NRG3: variants seen among roughly 807,000 people sequenced by gnomAD.
NRG3 encodes neuregulin 3, also known as pro-neuregulin-3, membrane-bound isoform.
In NRG3, 31 loss-of-function variants were observed where a neutral mutation model predicts 66.9. The observed-to-expected ratio is 0.46, with a 90% CI of 0.35 to 0.63. The LOEUF (loss-of-function observed/expected upper bound fraction) is 0.63, where lower values mean the gene tolerates loss of function less well. NRG3 is among the 20% of genes least tolerant of loss of function. NRG3 has a pLI of 0.00. For synonymous variants in NRG3, 393 were observed against 359.4 expected (o/e 1.09, Z -1.06); for missense variants, 910 against 878.9 (o/e 1.04, Z -0.45).
At chr10:82,860,541 C>T (rs1322388357) in intron 3 of NRG3, among the ~76,000 whole-genome samples, 3 of 152,134 alleles carry the variant, frequency 2.0e-5, no homozygotes, top group Non-Finnish European at 4.4e-5. Flanking sequence ...TCCGTGCTTC[C>T]GTTTCTTACC....
At chr10:82,254,541 T>G (rs1245400332) in intron 1 of NRG3, among the ~76,000 whole-genome samples, 2 of 152,182 alleles carry the variant, frequency 1.3e-5, no homozygotes, top group Non-Finnish European at 2.9e-5. Context: ...CAACTTGGTT[T>G]CCTTGGAGAG....
chr10:82,760,351 A>G (rs1477674248), intron 3 of NRG3, among the ~76,000 whole-genome samples: 2 of 152,212 alleles, frequency 1.3e-5, no homozygotes, highest in Admixed American at 6.6e-5. Context: ...AAAGCATATA[A>G]GAAAATCTTC....
intron 3 of NRG3, among the ~76,000 whole-genome samples, chr10:82,838,888 G>A (rs2062912799): frequency 6.6e-6 from 1 of 152,094 alleles, no homozygotes; most frequent in East Asian, 1.9e-4. Flanking sequence ...CACATGGCTG[G>A]GGAGGCCTCA....
At position 82,887,722 on chromosome 10, in the gene NRG3, A is replaced by G. The variant is rs139247487; in HGVS notation, c.1054+22285A>G. On this transcript the variant is annotated intron_variant, in intron 4 of 8. Coordinates refer to ENST00000372141, the MANE Select transcript of NRG3 (RefSeq NM_001010848.4). The stretch of plus-strand genomic sequence containing the variant: ...TGATGCCAGGCACTGCACAAGCTCT[A>G]TCTCCATTAATCTTCTCTAATGTAA... 2.9e-3 allele frequency among the ~76,000 whole-genome samples: 440 copies of G among 152,356 alleles called. 3 individuals carry two copies. Among genetic ancestry groups the G allele is most frequent in the African/African-American group, 0.01 (421 of 41,586 alleles).
intron 1 of NRG3, among the ~76,000 whole-genome samples, chr10:82,106,039 G>T (rs1241387713): frequency 6.6e-6 from 1 of 152,182 alleles, no homozygotes; most frequent in African/African-American, 2.4e-5. Context: ...CTGATTTAGT[G>T]AGCACATCTA....
At chr10:82,256,969 A>G (rs903737360) in intron 1 of NRG3, among the ~76,000 whole-genome samples, 8 of 152,044 alleles carry the variant, frequency 5.3e-5, no homozygotes, top group African/African-American at 1.9e-4. Flanking sequence ...TGGAATTGCT[A>G]TTTTTCTCAG....
intron 1 of NRG3, among the ~76,000 whole-genome samples, chr10:81,908,720 A>G (rs1409023241): frequency 1.3e-5 from 2 of 152,268 alleles, no homozygotes; most frequent in Non-Finnish European, 2.9e-5. Context: ...AAGGAGAGAA[A>G]CTAAGTTTGT....
chr10:82,454,633 C>G (rs2091186505), intron 2 of NRG3, among the ~76,000 whole-genome samples: 1 of 152,098 alleles, frequency 6.6e-6, no homozygotes, highest in Non-Finnish European at 1.5e-5. Flanking sequence ...CTTTTCATCT[C>G]AAAACACTCA....
chr10:82,279,717 T>A (rs2079037002), intron 1 of NRG3, among the ~76,000 whole-genome samples: 1 of 152,190 alleles, frequency 6.6e-6, no homozygotes, highest in Admixed American at 6.5e-5. Context: ...CAAACAAATA[T>A]GTGAGGCTGT....
chr10:82,213,260 C>T (rs1197356370), intron 1 of NRG3, among the ~76,000 whole-genome samples: 1 of 152,150 alleles, frequency 6.6e-6, no homozygotes, highest in Non-Finnish European at 1.5e-5. Flanking sequence ...ACAGGTTGAA[C>T]ATCTGTAATC....
chr10:82,427,701 A>G (rs1385145949), intron 2 of NRG3, among the ~76,000 whole-genome samples: 1 of 152,058 alleles, frequency 6.6e-6, no homozygotes, highest in East Asian at 1.9e-4. Context: ...TTGGTTATGT[A>G]TCAGAATAAC....
At chr10:82,874,713 C>T (rs1045007571) in intron 4 of NRG3, among the ~76,000 whole-genome samples, 3 of 152,174 alleles carry the variant, frequency 2.0e-5, no homozygotes, top group African/African-American at 7.2e-5. Flanking sequence ...AACCTGACTA[C>T]TAATTAGCTG....
chr10:81,995,109 T>C (rs540627803), intron 1 of NRG3, among the ~76,000 whole-genome samples: 6 of 152,336 alleles, frequency 3.9e-5, no homozygotes, highest in African/African-American at 1.4e-4. Flanking sequence ...GTTTTCTCTT[T>C]CATTTGGCTT....
intron 3 of NRG3, among the ~76,000 whole-genome samples, chr10:82,748,738 T>C (rs2058741284): frequency 6.6e-6 from 1 of 150,748 alleles, no homozygotes; most frequent in African/African-American, 2.4e-5. Flanking sequence ...TGTTGTAAGG[T>C]AGATTAAATC....
At chr10:82,323,600 G>A (rs1247815191) in intron 1 of NRG3, among the ~76,000 whole-genome samples, 1 of 151,490 alleles carries the variant, frequency 6.6e-6, no homozygotes, top group African/African-American at 2.4e-5. Flanking sequence ...TGGTTTTGGT[G>A]TTGGAGGAAT....
Position 81,876,083 on chromosome 10 carries a change from A to C in NRG3, c.743A>C (p.Gln248Pro), listed in dbSNP as rs1432929726. ...STPSWTLSPF[Q>P]DAASSSSSSS... ...CCCTCCTGGACCCTGTCTCCCTTTC[A>C]GGATGCTGCCTCCTCTTCTTCCTCT... The change falls in exon 1 of 9, where the codon CAG (glutamine) becomes CCG (proline). Residue 248 changes from glutamine to proline, a missense_variant. Gln to Pro is a moderately conservative substitution (Grantham distance 76, BLOSUM62 -1). Transcript: ENST00000372141. 6.2e-7 allele frequency: 1 copy of C among 1,613,540 alleles called. No individual in the cohort carries two copies. Among genetic ancestry groups the C allele is most frequent in the East Asian group, 2.2e-5 (1 of 44,854 alleles).
chr10:82,813,175 G>A (rs2061562756), intron 3 of NRG3, among the ~76,000 whole-genome samples: 1 of 145,780 alleles, frequency 6.9e-6, no homozygotes, highest in African/African-American at 2.5e-5. Flanking sequence ...AAAACACAAA[G>A]TACATTATTC....
At position 82,548,247 on chromosome 10, in the gene NRG3, C is replaced by T. The variant is rs547699383; in HGVS notation, c.953+189379C>T. ...ATCAATTTTTGGATACCTTAAAAGA[C>T]CTCATTAAAAGAGACTATTGAAAGA... is the stretch of plus-strand genomic sequence containing the variant. On this transcript the variant is annotated intron_variant, in intron 2 of 8. Transcript: ENST00000372141. Among the ~76,000 whole-genome samples the T allele has an allele frequency of 9.2e-5, 14 of 152,066 alleles. No individual in the cohort carries two copies. The South Asian group carries it at 2.1e-3, about 22-fold the overall frequency.
intron 1 of NRG3, among the ~76,000 whole-genome samples, chr10:82,290,921 G>A (rs1362468684): frequency 6.6e-6 from 1 of 151,920 alleles, no homozygotes; most frequent in Non-Finnish European, 1.5e-5. Context: ...GGGATTACAG[G>A]CGTGAGCCAC....
Sources: gnomAD v4.1 joint callset for allele counts (sites outside exome capture counted in the v4.1 genomes callset) on GRCh38, gnomAD v4.1.1 for gene constraint, MANE v1.5 for transcripts, NCBI Gene and HGNC (gene_info 2026-07-23, HGNC 2026-07-21) for gene names.